The following FARS2 variants were observed in gnomAD, a reference collection of about 807,000 sequenced individuals.
FARS2 encodes phenylalanyl-tRNA synthetase 2, mitochondrial.
FARS2 carries 40 observed loss-of-function variants against 46.4 expected under a neutral mutation model. The observed-to-expected ratio is 0.86, with a 90% CI of 0.67 to 1.12. FARS2 has a LOEUF of 1.12. Among genes scored for constraint, FARS2 ranks in the 50% most tolerant of loss-of-function variants. The pLI, the probability that FARS2 is intolerant of heterozygous loss-of-function variation, is 0.00. For missense variants in FARS2, 513 were observed against 567.9 expected (o/e 0.90, Z 0.98); for synonymous variants, 234 against 214.9 (o/e 1.09, Z -0.78).
At chr6:5,733,436 G>A (rs1204142590) in intron 6 of FARS2, among the ~76,000 whole-genome samples, 3 of 152,044 alleles carry the variant, frequency 2.0e-5, no homozygotes, top group Non-Finnish European at 2.9e-5. Context: ...GCAATACCAC[G>A]GACCAGGAAA....
At chr6:5,362,735 C>A (rs1300019630) in intron 1 of FARS2, among the ~76,000 whole-genome samples, 1 of 152,108 alleles carries the variant, frequency 6.6e-6, no homozygotes, top group Non-Finnish European at 1.5e-5. Flanking sequence ...ACATCCTCAC[C>A]AACACTTACC....
intron 1 of FARS2, among the ~76,000 whole-genome samples, chr6:5,278,320 G>A (rs1489659595): frequency 6.6e-6 from 1 of 152,212 alleles, no homozygotes; most frequent in Non-Finnish European, 1.5e-5. Flanking sequence ...TCTGCAATAA[G>A]GAGGGTGTGT....
chr6:5,495,491 T>A (rs192667901), intron 4 of FARS2, among the ~76,000 whole-genome samples: 7 of 152,334 alleles, frequency 4.6e-5, no homozygotes, highest in African/African-American at 1.7e-4. Flanking sequence ...GTTCCACCGA[T>A]GCTTCTGGGG....
At chr6:5,633,255 T>C (rs112807068) in intron 6 of FARS2, among the ~76,000 whole-genome samples, 1,423 of 123,774 alleles carry the variant, frequency 0.011, 27 homozygotes, top group African/African-American at 0.037. Flanking sequence ...CATGCCACCA[T>C]CCCTGGCTTT....
intron 6 of FARS2, among the ~76,000 whole-genome samples, chr6:5,747,863 A>T (rs372809637): frequency 3.9e-5 from 6 of 152,174 alleles, no homozygotes; most frequent in African/African-American, 1.4e-4. Flanking sequence ...TACACCCAAG[A>T]TGCTTCTCTT....
intron 4 of FARS2, among the ~76,000 whole-genome samples, chr6:5,481,467 G>A (rs199728152): frequency 5.3e-5 from 8 of 152,110 alleles, no homozygotes; most frequent in South Asian, 2.1e-4. Context: ...TTCTTTTGTC[G>A]TTTTTCTGGA....
chr6:5,442,757 G>T (rs1763914322), intron 4 of FARS2, among the ~76,000 whole-genome samples: 1 of 152,178 alleles, frequency 6.6e-6, no homozygotes, highest in South Asian at 2.1e-4. Flanking sequence ...AGGAAATGTA[G>T]CTCAGAGCTT....
At chr6:5,331,236 C>G (rs925787336) in intron 1 of FARS2, among the ~76,000 whole-genome samples, 2 of 151,446 alleles carry the variant, frequency 1.3e-5, no homozygotes, top group African/African-American at 4.9e-5. Context: ...GCTTGGCTGT[C>G]TTAATCATGG....
At chr6:5,381,128 G>A (rs888602503) in intron 2 of FARS2, among the ~76,000 whole-genome samples, 1 of 151,726 alleles carries the variant, frequency 6.6e-6, no homozygotes, top group Non-Finnish European at 1.5e-5. Flanking sequence ...AGCCTCCTGA[G>A]TAGCTGGACC....
chr6:5,388,435 T>C (rs1484677872), intron 2 of FARS2, among the ~76,000 whole-genome samples: 2 of 152,244 alleles, frequency 1.3e-5, no homozygotes, highest in Admixed American at 1.3e-4. Context: ...TAATGAAGAA[T>C]GTTTTTTGGT....
rs115777923 is a variant in FARS2 at position 5,669,920 on chromosome 6, C to T, written c.1217+56600C>T. Reference sequence around the variant, plus strand: ...GATCCCTTTAGCTGCTTGCACAGCTCATGACCTATGAACGGGGGTGGGGAA... The same window carrying T: ...GATCCCTTTAGCTGCTTGCACAGCTTATGACCTATGAACGGGGGTGGGGAA... On this transcript the variant is annotated intron_variant, in intron 6 of 6. Transcript: ENST00000274680. Among the ~76,000 whole-genome samples, 1,115 of 152,294 alleles carry T rather than the reference C, an allele frequency of 7.3e-3. 16 individuals carry two copies. Among genetic ancestry groups the T allele is most frequent in the African/African-American group, 0.026 (1,061 of 41,554 alleles).
At position 5,764,664 on chromosome 6, in the gene FARS2, C is replaced by CA. The variant is rs572592167; in HGVS notation, c.1218-6626dup. 2.8e-3 allele frequency among the ~76,000 whole-genome samples: 420 copies of CA among 152,302 alleles called. 3 individuals are homozygous for CA. The highest frequency in any genetic ancestry group is 9.7e-3 in the African/African-American group (404 of 41,568). On this transcript the variant is annotated intron_variant, in intron 6 of 6. Transcript: ENST00000274680. The surrounding 1 kb of genome is among the most constrained non-coding windows in gnomAD (Gnocchi z 4.1). Reference sequence around the variant, plus strand: ...GATCTATTCTGGGAGGTGTTGAGCGCACCATCCAAGAACATGAAGTCGCTG... The same window carrying CA: ...GATCTATTCTGGGAGGTGTTGAGCGCAACCATCCAAGAACATGAAGTCGCTG...
At chr6:5,381,103 C>T (rs1759742642) in intron 2 of FARS2, among the ~76,000 whole-genome samples, 1 of 151,722 alleles carries the variant, frequency 6.6e-6, no homozygotes, top group Admixed American at 6.6e-5. Flanking sequence ...TGGGTTCACG[C>T]CATTCTCCTG....
chr6:5,771,054 A>G (rs191159154), intron 6 of FARS2, among the ~76,000 whole-genome samples: 1 of 152,146 alleles, frequency 6.6e-6, no homozygotes, highest in Non-Finnish European at 1.5e-5. Context: ...TTCCCAGGGG[A>G]CTTTGATACA....
At chr6:5,681,300 G>A (rs1045913631) in intron 6 of FARS2, among the ~76,000 whole-genome samples, 2 of 151,990 alleles carry the variant, frequency 1.3e-5, no homozygotes, top group Admixed American at 6.6e-5. Flanking sequence ...GAATAGCTGT[G>A]CACCTTTGAA....
rs139630968 is a variant in FARS2, at chr6:5,480,204, C to G, written c.904+49032C>G. On this transcript the variant is annotated intron_variant, in intron 4 of 6. Coordinates refer to ENST00000274680, the MANE Select transcript of FARS2 (RefSeq NM_006567.5). ...GATCTTGAGTCAAGAAAATCATGAT[C>G]GTCTAAACGGATGCGCCAGAAATAA... 4.6e-5 allele frequency among the ~76,000 whole-genome samples: 7 copies of G among 152,248 alleles called. No homozygotes were observed. The East Asian group carries it at 1.4e-3, about 29-fold the overall frequency.
In FARS2 at chr6:5,434,700, G is replaced by A. The variant is rs182965526; in HGVS notation, c.904+3528G>A. 1.7e-4 allele frequency among the ~76,000 whole-genome samples: 26 copies of A among 152,166 alleles called. No individual in the cohort carries two copies. The South Asian group carries it at 5.0e-3, about 29-fold the overall frequency. On this transcript the variant is annotated intron_variant, in intron 4 of 6. Coordinates refer to ENST00000274680, the MANE Select transcript of FARS2 (RefSeq NM_006567.5). ...CGAATAGGTATACTTTATCCCACTC[G>A]TGCAGTTCCGCTATTCTTTCCATCT... is the stretch of plus-strand genomic sequence containing the variant.
chr6:5,725,427 G>T (rs561427753), intron 6 of FARS2, among the ~76,000 whole-genome samples: 1 of 152,352 alleles, frequency 6.6e-6, no homozygotes, highest in Admixed American at 6.5e-5. Flanking sequence ...TTTTGAGGCA[G>T]TTATTTTAAA....
rs1380706360 is a variant in FARS2 at position 5,498,321 on chromosome 6, C to T, written c.905-46859C>T. ...AGGCTCCTTATTTTTTCCTTTTATT[C>T]GTGTCACTAGGCTTTTGCTTGTTTC... On this transcript the variant is annotated intron_variant, in intron 4 of 6. Transcript: ENST00000274680. Among the ~76,000 whole-genome samples, 9 of 152,028 alleles carry T rather than the reference C, an allele frequency of 5.9e-5. No individual in the cohort carries two copies. In the East Asian group the frequency reaches 9.6e-4, roughly 16 times the overall value.
Sources: gnomAD v4.1 joint callset for allele counts (sites outside exome capture counted in the v4.1 genomes callset) on GRCh38, gnomAD v4.1.1 for gene constraint, Gnocchi (gnomAD v3.1) non-coding constraint, MANE v1.5 for transcripts, NCBI Gene and HGNC (gene_info 2026-07-23, HGNC 2026-07-21) for gene names.